ARHGAP24: variants seen among roughly 807,000 people sequenced by gnomAD.
ARHGAP24 encodes rho GTPase-activating protein 24.
In ARHGAP24, 50 loss-of-function variants were observed where a neutral mutation model predicts 76.4. The observed-to-expected ratio is 0.65, with a 90% CI of 0.52 to 0.83. The LOEUF is 0.83. Ranked by LOEUF, ARHGAP24 falls within the 40% of genes least tolerant of loss-of-function variation. ARHGAP24 has a pLI of 0.00. For synonymous variants in ARHGAP24, 345 were observed against 323.3 expected, an observed-to-expected ratio of 1.07 and a Z score of -0.72; for missense variants, 930 against 914.2, an observed-to-expected ratio of 1.02 and a Z score of -0.22.
intron 2 of ARHGAP24, among the ~76,000 whole-genome samples, chr4:85,662,072 G>T (rs1276171621): frequency 6.6e-6 from 1 of 152,186 alleles, no homozygotes; most frequent in African/African-American, 2.4e-5. Flanking sequence ...TCTACTTCTA[G>T]ATCCCTGAGG....
At chr4:85,997,340 A>ATAGC in intron 9 of ARHGAP24, among the ~76,000 whole-genome samples, 1 of 150,546 alleles carries the variant, frequency 6.6e-6, no homozygotes, top group South Asian at 2.1e-4. Flanking sequence ...AGATAGATAG[A>ATAGC]TAGAGAGATA....
intron 3 of ARHGAP24, among the ~76,000 whole-genome samples, chr4:85,802,815 A>G (rs2110105918): frequency 6.6e-6 from 1 of 152,318 alleles, no homozygotes; most frequent in South Asian, 2.1e-4. Flanking sequence ...CAAACAAAAA[A>G]CCGAAACTTT....
chr4:85,497,135 G>A (rs1454121325), intron 1 of ARHGAP24, among the ~76,000 whole-genome samples: 1 of 152,320 alleles, frequency 6.6e-6, no homozygotes, highest in Non-Finnish European at 1.5e-5. Context: ...AATAGAAGTA[G>A]TAAAGAAGAA....
At chr4:85,988,093 A>G (rs572468407) in intron 8 of ARHGAP24, among the ~76,000 whole-genome samples, 4 of 152,030 alleles carry the variant, frequency 2.6e-5, no homozygotes, top group Non-Finnish European at 5.9e-5. Flanking sequence ...TTTTTCAAAT[A>G]TAAAAAGGAG....
chr4:85,939,805 T>C (rs1019468302), intron 4 of ARHGAP24, among the ~76,000 whole-genome samples: 1 of 152,102 alleles, frequency 6.6e-6, no homozygotes, highest in African/African-American at 2.4e-5. Context: ...GTAGCACACA[T>C]GGTCATTGAA....
In ARHGAP24 at chr4:85,516,546, T is replaced by C. The variant is rs555668443; in HGVS notation, c.-21+40987T>C. On this transcript the variant is annotated intron_variant, in intron 1 of 9. Coordinates refer to ENST00000395184, the MANE Select transcript of ARHGAP24 (RefSeq NM_001025616.3). Reference sequence around the variant, plus strand: ...ATTTTAATTTCTCTTATTTTGAGAATTGCATATTTTCTTATGTTTAAGGGC... The same window carrying C: ...ATTTTAATTTCTCTTATTTTGAGAACTGCATATTTTCTTATGTTTAAGGGC... Among the ~76,000 whole-genome samples, 47 of 152,252 alleles carry C rather than the reference T, an allele frequency of 3.1e-4. No homozygotes were observed. The South Asian group carries it at 9.1e-3, about 30-fold the overall frequency.
chr4:85,499,913 G>T (rs943106115), intron 1 of ARHGAP24, among the ~76,000 whole-genome samples: 1 of 152,018 alleles, frequency 6.6e-6, no homozygotes, highest in Non-Finnish European at 1.5e-5. Flanking sequence ...TGGAAAAAAA[G>T]TTAAGCTTAT....
At chr4:85,866,057 G>A (rs1439936287) in intron 3 of ARHGAP24, among the ~76,000 whole-genome samples, 1 of 152,116 alleles carries the variant, frequency 6.6e-6, no homozygotes, top group South Asian at 2.1e-4. Context: ...GAGATTGTCT[G>A]AGATTCTCAC....
At chr4:85,783,059 A>ACTGTTTGCTAACAGTTATTT (rs1325166473) in intron 3 of ARHGAP24, among the ~76,000 whole-genome samples, 1 of 152,174 alleles carries the variant, frequency 6.6e-6, no homozygotes, top group Non-Finnish European at 1.5e-5. Context: ...TTCTGAAATT[A>ACTGTTTGCTAACAGTTATTT]CTGTTAGCAA....
rs182754878 is a variant in ARHGAP24 at position 85,547,150 on chromosome 4, T to G, written c.-20-23372T>G. Among the ~76,000 whole-genome samples, 198 of 152,288 alleles carry G rather than the reference T, an allele frequency of 1.3e-3. 3 individuals are homozygous for G. The highest frequency in any genetic ancestry group is 1.2e-4 in the Non-Finnish European group (8 of 68,006). ...TATATTGTCTCCTTTCTCTGTTTGT[T>G]TTTTGGCTCAAGATCCAAGCCCAAA... On this transcript the variant is annotated intron_variant, in intron 1 of 9. Transcript: ENST00000395184.
chr4:85,720,914 T>C (rs1448156417), intron 2 of ARHGAP24, among the ~76,000 whole-genome samples: 3 of 152,242 alleles, frequency 2.0e-5, no homozygotes, highest in South Asian at 2.1e-4. Flanking sequence ...TTGTGAGTCA[T>C]GTAAGTGGAA....
chr4:85,872,150 A>G (rs1732561585), intron 3 of ARHGAP24, among the ~76,000 whole-genome samples: 1 of 152,034 alleles, frequency 6.6e-6, no homozygotes, highest in Non-Finnish European at 1.5e-5. Context: ...TTTTGATTAC[A>G]GCCTAGTGAC....
intron 3 of ARHGAP24, among the ~76,000 whole-genome samples, chr4:85,908,188 C>G (rs1734874471): frequency 6.6e-6 from 1 of 152,136 alleles, no homozygotes; most frequent in Non-Finnish European, 1.5e-5. Flanking sequence ...AGAACATCCT[C>G]CCTGATAACA....
intron 3 of ARHGAP24, among the ~76,000 whole-genome samples, chr4:85,813,819 T>TATAA (rs1560647139): frequency 4.5e-5 from 1 of 22,332 alleles, no homozygotes; most frequent in South Asian, 1.3e-3. Context: ...ATATTTATTT[T>TATAA]ATATATATAT....
intron 5 of ARHGAP24, among the ~76,000 whole-genome samples, 174 bp from the exon 6 acceptor site, chr4:85,971,862 C>T (rs1739005363): frequency 6.6e-6 from 1 of 152,078 alleles, no homozygotes; most frequent in African/African-American, 2.4e-5. Flanking sequence ...CTTCTTCTCC[C>T]CACCTGTGGT....
intron 3 of ARHGAP24, among the ~76,000 whole-genome samples, chr4:85,780,592 C>T (rs1727508788): frequency 6.6e-6 from 1 of 151,968 alleles, no homozygotes; most frequent in Non-Finnish European, 1.5e-5. Flanking sequence ...CTAATAACTT[C>T]CTTCAACCTC....
chr4:85,588,181 A>G (rs942958025), intron 2 of ARHGAP24, among the ~76,000 whole-genome samples: 9 of 152,176 alleles, frequency 5.9e-5, no homozygotes, highest in Admixed American at 2.0e-4. Context: ...CAAGAGGCAG[A>G]GTTGCTTTTC....
At chr4:85,758,149 ATG>A (rs1192888730) in intron 3 of ARHGAP24, among the ~76,000 whole-genome samples, 1 of 152,198 alleles carries the variant, frequency 6.6e-6, no homozygotes, top group Non-Finnish European at 1.5e-5. Context: ...GCTTGTAAGT[ATG>A]TGTGTTTCAC....
chr4:85,938,789 G>C (rs1736794674), intron 4 of ARHGAP24, among the ~76,000 whole-genome samples: 2 of 151,584 alleles, frequency 1.3e-5, no homozygotes, highest in South Asian at 4.2e-4. Flanking sequence ...TTGCTTTGGG[G>C]GGCAGCATGC....
Sources: allele counts gnomAD v4.1 joint callset (sites outside exome capture counted in the v4.1 genomes callset), GRCh38; gene constraint gnomAD v4.1.1; transcripts MANE v1.5; gene names NCBI Gene and HGNC (gene_info 2026-07-23, HGNC 2026-07-21).